MACROD1: variants seen among roughly 807,000 people sequenced by gnomAD.
MACROD1 encodes the protein ADP-ribose glycohydrolase MACROD1.
In MACROD1, 31 loss-of-function variants were observed where a neutral mutation model predicts 41.4. The observed-to-expected ratio is 0.75, with a 90% CI of 0.56 to 1.01. The LOEUF (loss-of-function observed/expected upper bound fraction) is 1.01. MACROD1 is among the 50% of genes least tolerant of loss of function. MACROD1 has a pLI of 0.00. For synonymous variants in MACROD1, 252 were observed against 203.4 expected, an observed-to-expected ratio of 1.24 and a Z score of -2.03; for missense variants, 473 against 460.0, an observed-to-expected ratio of 1.03 and a Z score of -0.26.
chr11:64,117,301 C>A, intron 3 of MACROD1: 1 of 1,614,158 alleles, frequency 6.2e-7, no homozygotes, highest in Non-Finnish European at 8.5e-7. Context: ...TGGGTGAAGG[C>A]ACGGGCGGCC....
At chr11:64,113,524 GGATA>G (rs976297610) in intron 3 of MACROD1, among the ~76,000 whole-genome samples, 9 of 150,762 alleles carry the variant, frequency 6.0e-5, no homozygotes, top group Non-Finnish European at 1.0e-4. Flanking sequence ...TTGGATGGAT[GGATA>G]GACAGGTGGA....
chr11:64,116,165 TG>T, intron 3 of MACROD1: 1 of 1,493,094 alleles, frequency 6.7e-7, no homozygotes, highest in South Asian at 1.3e-5. Context: ...GATTCACTCC[TG>T]GGGTCGCTGT....
intron 3 of MACROD1, chr11:64,117,141 A>G (rs770643761): frequency 7.4e-6 from 12 of 1,613,646 alleles, no homozygotes; most frequent in Non-Finnish European, 1.0e-5. Context: ...CACGCTGGCC[A>G]AGATGCGTGA....
At chr11:64,083,831 G>A (rs1363986564) in intron 3 of MACROD1, among the ~76,000 whole-genome samples, 3 of 152,224 alleles carry the variant, frequency 2.0e-5, no homozygotes, top group Non-Finnish European at 2.9e-5. Context: ...ACAGACCGAC[G>A]GATCTGCCAG....
chr11:64,127,818 C>T lies in MACROD1; in HGVS notation c.517+23421G>A, dbSNP rs79301136. On this transcript the variant is annotated intron_variant, in intron 3 of 10. Coordinates refer to ENST00000255681, the MANE Select transcript of MACROD1 (RefSeq NM_014067.4). ...CATGAGCTTATGCCACCACCCCAGACGCCCCCCATCCCCTAGATGTACCCA... is the reference window on the plus strand; with the variant it reads ...CATGAGCTTATGCCACCACCCCAGATGCCCCCCATCCCCTAGATGTACCCA... 3.3e-3 allele frequency among the ~76,000 whole-genome samples: 510 copies of T among 152,256 alleles called. 2 individuals carry two copies. Among genetic ancestry groups the T allele is most frequent in the East Asian group, 0.018 (94 of 5,176 alleles).
intron 3 of MACROD1, among the ~76,000 whole-genome samples, chr11:64,029,510 C>T (rs558821198): frequency 2.6e-5 from 4 of 152,252 alleles, no homozygotes; most frequent in Admixed American, 1.3e-4. Flanking sequence ...CCCTACCTCT[C>T]GCTCCCAATG....
At chr11:64,047,897 C>CAA (rs35010371) in intron 3 of MACROD1, among the ~76,000 whole-genome samples, 5,911 of 89,000 alleles carry the variant, frequency 0.066, 213 homozygotes, top group South Asian at 0.18. Flanking sequence ...AACTCCGTCT[C>CAA]AAAAAAAAAA....
chr11:64,058,512 C>T (rs1943834901), intron 3 of MACROD1, among the ~76,000 whole-genome samples: 1 of 152,270 alleles, frequency 6.6e-6, no homozygotes, highest in Non-Finnish European at 1.5e-5. Context: ...TGCCTCATGC[C>T]TTTTGGAAGG....
rs1944479506 is a variant in MACROD1, at chr11:64,090,987, T to G, written c.517+60252A>C. Among the ~76,000 whole-genome samples the G allele has an allele frequency of 6.6e-6, 1 of 150,822 alleles. No homozygotes were observed. The highest frequency in any genetic ancestry group is 2.1e-4 in the South Asian group (1 of 4,744). On this transcript the variant is annotated intron_variant, in intron 3 of 10. Coordinates refer to ENST00000255681, the MANE Select transcript of MACROD1 (RefSeq NM_014067.4). This position sits in a 1 kb window ranked among gnomAD's most constrained non-coding sequence, Gnocchi z 4.7. ...GACCTCTGACCTCTGGGTCAGTTGG[T>G]TACTGACTGCTGACTGTGCCTAGGA... is the stretch of plus-strand genomic sequence containing the variant.
intron 4 of MACROD1, among the ~76,000 whole-genome samples, chr11:64,012,518 A>G (rs1943029899): frequency 6.6e-6 from 1 of 151,614 alleles, no homozygotes; most frequent in Non-Finnish European, 1.5e-5. Flanking sequence ...CTCCTGCCTC[A>G]GCCTTCTGAG....
chr11:64,004,381 C>T (rs899351691), intron 4 of MACROD1, among the ~76,000 whole-genome samples: 7 of 152,330 alleles, frequency 4.6e-5, no homozygotes, highest in African/African-American at 1.4e-4. Flanking sequence ...ATTTAGGGTG[C>T]TGTAATATGC....
chr11:64,068,660 C>G (rs1223216805), intron 3 of MACROD1, among the ~76,000 whole-genome samples: 2 of 152,216 alleles, frequency 1.3e-5, no homozygotes, highest in African/African-American at 4.8e-5. Context: ...TCTCTACCCC[C>G]TCCAGCCTGC....
intron 3 of MACROD1, among the ~76,000 whole-genome samples, chr11:64,126,139 C>G (rs544361801): frequency 6.6e-6 from 1 of 152,338 alleles, no homozygotes; most frequent in African/African-American, 2.4e-5. Flanking sequence ...AACCCCAAAA[C>G]TAGCCTTAGG....
intron 3 of MACROD1, among the ~76,000 whole-genome samples, chr11:64,109,055 C>G (rs564814765): frequency 6.6e-6 from 1 of 152,158 alleles, no homozygotes; most frequent in Non-Finnish European, 1.5e-5. Context: ...ACATGCAGGA[C>G]ACTTCCTCTC....
At chr11:64,028,013 C>T (rs1943243295) in intron 3 of MACROD1, among the ~76,000 whole-genome samples, 1 of 152,238 alleles carries the variant, frequency 6.6e-6, no homozygotes, top group Non-Finnish European at 1.5e-5. Context: ...CAGGAAGCAC[C>T]GTCCTCTGCC....
chr11:64,057,145 G>A (rs1175695168), intron 3 of MACROD1, among the ~76,000 whole-genome samples: 1 of 152,220 alleles, frequency 6.6e-6, no homozygotes, highest in Admixed American at 6.5e-5. Flanking sequence ...CTGGACCCGG[G>A]TGCCCCTGTG....
rs915418815 is a variant in MACROD1 at position 64,064,097 on chromosome 11, G to A, written c.518-48816C>T. Among the ~76,000 whole-genome samples the A allele has an allele frequency of 6.6e-6, 1 of 152,066 alleles. No individual in the cohort carries two copies. Among genetic ancestry groups the A allele is most frequent in the Non-Finnish European group, 1.5e-5 (1 of 68,008 alleles). ...ACAAACCCGAGGTCTCTCTCTCTGCGCCCCCTATCTCTCCAAGCCCCTCGG... is the reference window on the plus strand; with the variant it reads ...ACAAACCCGAGGTCTCTCTCTCTGCACCCCCTATCTCTCCAAGCCCCTCGG... On this transcript the variant is annotated intron_variant, in intron 3 of 10. Transcript: ENST00000255681. The surrounding 1 kb of genome is among the most constrained non-coding windows in gnomAD (Gnocchi z 4.5).
chr11:64,148,415 G>C (rs1037756364), intron 3 of MACROD1, among the ~76,000 whole-genome samples: 5 of 152,132 alleles, frequency 3.3e-5, no homozygotes, highest in Non-Finnish European at 7.4e-5. Context: ...CAGAAGCTCC[G>C]GCGGGCGGCC....
At chr11:64,084,463 C>A (rs1382520257) in intron 3 of MACROD1, among the ~76,000 whole-genome samples, 4 of 152,214 alleles carry the variant, frequency 2.6e-5, no homozygotes, top group Non-Finnish European at 2.9e-5. Context: ...GAGGCAGCAG[C>A]AAAGAGGCAG....
Sources: allele counts gnomAD v4.1 joint callset (sites outside exome capture counted in the v4.1 genomes callset), GRCh38; gene constraint gnomAD v4.1.1; non-coding constraint Gnocchi (gnomAD v3.1); transcripts MANE v1.5; gene names NCBI Gene and HGNC (gene_info 2026-07-23, HGNC 2026-07-21).